The following TMEM269 variants were observed in gnomAD, a reference collection of about 807,000 sequenced individuals.
TMEM269 encodes the protein transmembrane protein 269.
TMEM269 carries 12 observed loss-of-function variants against 15.8 expected under a neutral mutation model. That is an observed-to-expected ratio of 0.76 (90% CI 0.49 to 1.23). The LOEUF (loss-of-function observed/expected upper bound fraction) is 1.23. TMEM269 is among the 50% of genes most tolerant of loss of function. The pLI is 0.00. For synonymous variants in TMEM269, 93 were observed against 99.3 expected, an observed-to-expected ratio of 0.94 and a Z score of 0.38; for missense variants, 211 against 245.4, an observed-to-expected ratio of 0.86 and a Z score of 0.94.
At chr1:42,792,939 A>G (rs1335050567) in intron 3 of TMEM269, 37 bp downstream of exon 3, 2 of 1,484,626 alleles carry the variant, frequency 1.3e-6, no homozygotes, top group Non-Finnish European at 1.8e-6. Context: ...CCTTGCCCCC[A>G]GTAGCATCCA....
In TMEM269 at chr1:42,797,733, C is replaced by T. The variant is rs943693446; in HGVS notation, c.485-365C>T. ...TGCATACATATCATACTGCATTGGTCGTTATCACATGTTAAATTTAAAACA... is the reference window on the plus strand; with the variant it reads ...TGCATACATATCATACTGCATTGGTTGTTATCACATGTTAAATTTAAAACA... On this transcript the variant is annotated intron_variant, in intron 5 of 5. Coordinates refer to ENST00000637012, the MANE Select transcript of TMEM269 (RefSeq NM_001354602.2). The surrounding 1 kb of genome is among the most constrained non-coding windows in gnomAD (Gnocchi z 4.9). 18 of 468,762 alleles carry T rather than the reference C, an allele frequency of 3.8e-5. No individual in the cohort carries two copies. The highest frequency in any genetic ancestry group is 2.0e-4 in the East Asian group (3 of 14,844). 29.0% of individuals were successfully genotyped at this position (468,762 alleles called of 1,614,324 possible).
At chr1:42,786,454 C>T (rs1263268886) in intron 1 of TMEM269, among the ~76,000 whole-genome samples, 2 of 152,202 alleles carry the variant, frequency 1.3e-5, no homozygotes, top group Non-Finnish European at 2.9e-5. Flanking sequence ...ACCACCCAAC[C>T]CAAGTCCAAA....
At chr1:42,793,022 C>A (rs1653726991) in intron 3 of TMEM269, 120 bp downstream of exon 3, 2 of 777,464 alleles carry the variant, frequency 2.6e-6, no homozygotes, top group South Asian at 3.1e-5. Context: ...TGTTCACACC[C>A]CGCTGAGAGC....
chr1:42,787,525 G>A (rs548610083), intron 1 of TMEM269, among the ~76,000 whole-genome samples: 285 of 145,856 alleles, frequency 2.0e-3, no homozygotes, highest in Non-Finnish European at 3.2e-3. Flanking sequence ...GCGTGAACCC[G>A]GGAAGCGGAG....
chr1:42,786,110 T>G (rs1653538617), intron 1 of TMEM269, among the ~76,000 whole-genome samples: 1 of 152,202 alleles, frequency 6.6e-6, no homozygotes, highest in African/African-American at 2.4e-5. Flanking sequence ...GCTGGACTGT[T>G]GAGCGTTCAT....
intron 1 of TMEM269, chr1:42,789,524 C>A (rs1653642312): frequency 6.5e-7 from 1 of 1,528,780 alleles, no homozygotes; most frequent in Non-Finnish European, 8.8e-7. Context: ...TGCTGTGGGG[C>A]AAAGGTGCAG....
chr1:42,790,713 G>A (rs964709378), intron 2 of TMEM269, among the ~76,000 whole-genome samples: 14 of 151,496 alleles, frequency 9.2e-5, no homozygotes, highest in African/African-American at 3.4e-4. Flanking sequence ...GATTACAAAC[G>A]TGAGCCACTG....
chr1:42,793,800 GC>G (rs940193376), intron 4 of TMEM269, 56 bp downstream of exon 4: 24 of 1,506,248 alleles, frequency 1.6e-5, no homozygotes, highest in Admixed American at 1.1e-4. Flanking sequence ...AGAACGGGGG[GC>G]TGTCGGGTGC....
chr1:42,786,049 G>C (rs1653537554), intron 1 of TMEM269, among the ~76,000 whole-genome samples: 1 of 152,212 alleles, frequency 6.6e-6, no homozygotes, highest in Non-Finnish European at 1.5e-5. Flanking sequence ...TTTAAAAAAT[G>C]AGTAAGTGGA....
In TMEM269 at chr1:42,788,263, G is replaced by A. The variant is rs185856315; in HGVS notation, c.-98-1533G>A. Reference sequence around the variant, plus strand: ...AGAGGGGCTGGATGGAGGCAGAGCTGGAGGTGAGATTAATCCTCACATCTG... The same window carrying A: ...AGAGGGGCTGGATGGAGGCAGAGCTAGAGGTGAGATTAATCCTCACATCTG... On this transcript the variant is annotated intron_variant, in intron 1 of 5. Transcript: ENST00000637012. This position sits in a 1 kb window ranked among gnomAD's most constrained non-coding sequence, Gnocchi z 4.0. Among the ~76,000 whole-genome samples the A allele has an allele frequency of 2.6e-4, 40 of 152,320 alleles. No homozygotes were observed. In the East Asian group the frequency reaches 7.7e-3, roughly 29 times the overall value.
chr1:42,791,822 T>G (rs947706575), intron 2 of TMEM269, among the ~76,000 whole-genome samples: 1 of 152,066 alleles, frequency 6.6e-6, no homozygotes, highest in Non-Finnish European at 1.5e-5. Flanking sequence ...GCCAACATGG[T>G]GAAACACCAT....
At chr1:42,792,730 T>TG (rs747357515) in intron 2 of TMEM269, 75 bp from the exon 3 acceptor site, 1 of 840,656 alleles carries the variant, frequency 1.2e-6, no homozygotes, top group Non-Finnish European at 2.0e-6. Context: ...AATATACTAA[T>TG]GGGGGGCAGG....
chr1:42,789,433 A>T (rs1351546356), intron 1 of TMEM269: 1 of 1,535,198 alleles, frequency 6.5e-7, no homozygotes. Context: ...CACCTCTCAG[A>T]TGGGAGAAGG....
chr1:42,793,759 G>T lies in TMEM269; in HGVS notation c.283+15G>T. 6.5e-7 allele frequency: 1 copy of T among 1,549,132 alleles called. No homozygotes were observed. Among genetic ancestry groups the T allele is most frequent in the Non-Finnish European group, 8.7e-7 (1 of 1,146,248 alleles). On this transcript the variant is annotated intron_variant, in intron 4 of 5. Coordinates refer to ENST00000637012, the MANE Select transcript of TMEM269 (RefSeq NM_001354602.2). ...TTATTCACCTGGTGAGTGGAACCAAGGTTGCCTTAGAACAGAGGGCAGGGG... is the reference window on the plus strand; with the variant it reads ...TTATTCACCTGGTGAGTGGAACCAATGTTGCCTTAGAACAGAGGGCAGGGG...
chr1:42,792,808 A>G lies in TMEM269; in HGVS notation c.45A>G (p.Lys15=). 6.5e-7 allele frequency: 1 copy of G among 1,550,376 alleles called. No individual in the cohort carries two copies. The highest frequency in any genetic ancestry group is 8.7e-7 in the Non-Finnish European group (1 of 1,146,816). ...LFSIIFSFSR[K]CHYASRMLLV... ...GGCTTGCTGGCCTGCACTTTAGGAAATGCCACTATGCCTCCCGGATGCTCC... is the reference window on the plus strand; with the variant it reads ...GGCTTGCTGGCCTGCACTTTAGGAAGTGCCACTATGCCTCCCGGATGCTCC... Residue 15 remains lysine, a synonymous_variant, in exon 3 of 6, where the codon AAA becomes AAG. Coordinates refer to ENST00000637012, the MANE Select transcript of TMEM269 (RefSeq NM_001354602.2).
Position 42,798,288 on chromosome 1 carries a change from T to G in TMEM269, c.*63T>G. 6.5e-7 allele frequency: 1 copy of G among 1,534,170 alleles called. No individual in the cohort carries two copies. On this transcript the variant is annotated 3_prime_UTR_variant, in exon 6 of 6. Coordinates refer to ENST00000637012, the MANE Select transcript of TMEM269 (RefSeq NM_001354602.2). ...GTGGGGTTTGTGTCAGCATATTGGG[T>G]CAAGCCTGCACTAAAGCTTTGTATG... is the stretch of plus-strand genomic sequence containing the variant.
Position 42,789,870 on chromosome 1 carries a change from A to G in TMEM269, c.-24A>G. On this transcript the variant is annotated 5_prime_UTR_variant, in exon 2 of 6. Coordinates refer to ENST00000637012, the MANE Select transcript of TMEM269 (RefSeq NM_001354602.2). ...AAATGAGGTTTCCTGGAAGGATGTTACCAGTGCCTTATCTCTGGCCAACAT... is the reference window on the plus strand; with the variant it reads ...AAATGAGGTTTCCTGGAAGGATGTTGCCAGTGCCTTATCTCTGGCCAACAT... 1 of 1,550,866 alleles carries G rather than the reference A, an allele frequency of 6.4e-7. No individual in the cohort carries two copies. The highest frequency in any genetic ancestry group is 1.2e-5 in the South Asian group (1 of 84,056).
chr1:42,787,611 A>G (rs1653568339), intron 1 of TMEM269, among the ~76,000 whole-genome samples: 1 of 145,040 alleles, frequency 6.9e-6, no homozygotes, highest in Non-Finnish European at 1.5e-5. Flanking sequence ...CGTCTCAAAA[A>G]AAAAAAAAAA....
At chr1:42,791,555 C>T (rs144559229) in intron 2 of TMEM269, among the ~76,000 whole-genome samples, 51 of 152,182 alleles carry the variant, frequency 3.4e-4, no homozygotes, top group African/African-American at 1.1e-3. Flanking sequence ...TTATAGGATG[C>T]AGGGAAAGCA....
Sources: allele counts gnomAD v4.1 joint callset (sites outside exome capture counted in the v4.1 genomes callset), GRCh38; gene constraint gnomAD v4.1.1; non-coding constraint Gnocchi (gnomAD v3.1); transcripts MANE v1.5; gene names NCBI Gene and HGNC (gene_info 2026-07-23, HGNC 2026-07-21).